ATRNL1: variants seen among roughly 807,000 people sequenced by gnomAD.
ATRNL1 encodes the protein attractin like 1.
ATRNL1 carries 95 observed loss-of-function variants against 182.7 expected under a neutral mutation model. The ratio of observed to expected loss-of-function variants is 0.52; its 90% CI spans 0.44 to 0.62. The LOEUF (loss-of-function observed/expected upper bound fraction) is 0.62, where lower values mean the gene tolerates loss of function less well. Among genes scored for constraint, ATRNL1 ranks in the 20% least tolerant of loss-of-function variants. ATRNL1 has a pLI of 0.00. For missense variants in ATRNL1, 1,471 were observed against 1,679.5 expected, an observed-to-expected ratio of 0.88 and a Z score of 2.17; for synonymous variants, 576 against 568.3, an observed-to-expected ratio of 1.01 and a Z score of -0.19.
chr10:115,805,176 C>G (rs1035945346), intron 27 of ATRNL1, among the ~76,000 whole-genome samples: 6 of 152,118 alleles, frequency 3.9e-5, no homozygotes, highest in African/African-American at 1.4e-4. Context: ...TCCAATGTGA[C>G]TTATCTGTAA....
At chr10:115,351,779 T>G (rs1433387316) in intron 19 of ATRNL1, among the ~76,000 whole-genome samples, 7 of 57,906 alleles carry the variant, frequency 1.2e-4, no homozygotes, top group South Asian at 5.3e-4. Flanking sequence ...GTTTGTGTTT[T>G]TGTTTTTAAT....
At chr10:115,366,638 A>T (rs1451010835) in intron 19 of ATRNL1, among the ~76,000 whole-genome samples, 2 of 148,738 alleles carry the variant, frequency 1.3e-5, no homozygotes, top group African/African-American at 5.0e-5. Context: ...TTTTGGCATG[A>T]TTTTGCAGCG....
intron 26 of ATRNL1, among the ~76,000 whole-genome samples, chr10:115,723,547 T>TATTTATTTATTTATTG (rs1488149142): frequency 6.6e-6 from 1 of 151,258 alleles, no homozygotes; most frequent in African/African-American, 2.4e-5. Context: ...TTTATTTATT[T>TATTTATTTATTTATTG]ATTTATTTAT....
chr10:115,521,338 A>T (rs1554985136), intron 25 of ATRNL1, among the ~76,000 whole-genome samples: 1 of 152,064 alleles, frequency 6.6e-6, no homozygotes, highest in African/African-American at 2.4e-5. Flanking sequence ...TTTTTAGTAG[A>T]TACGGGGTTT....
At chr10:115,617,172 G>A (rs1555021080) in intron 26 of ATRNL1, among the ~76,000 whole-genome samples, 2 of 152,218 alleles carry the variant, frequency 1.3e-5, no homozygotes, top group South Asian at 2.1e-4. Context: ...GTGTGCTCTA[G>A]ATGTGAAACA....
At chr10:115,262,247 GATAAA>G (rs1385154550) in intron 10 of ATRNL1, among the ~76,000 whole-genome samples, 2 of 150,320 alleles carry the variant, frequency 1.3e-5, no homozygotes, top group African/African-American at 2.4e-5. Context: ...ATTTAAAAAT[GATAAA>G]ATAAAAGCAA....
At chr10:115,369,242 G>A (rs1260021670) in intron 19 of ATRNL1, among the ~76,000 whole-genome samples, 1 of 144,786 alleles carries the variant, frequency 6.9e-6, no homozygotes, top group African/African-American at 2.5e-5. Flanking sequence ...AGGATTCTGT[G>A]ATGAGGATAG....
chr10:115,249,195 T>TG (rs1451323675), intron 10 of ATRNL1, among the ~76,000 whole-genome samples: 1 of 152,098 alleles, frequency 6.6e-6, no homozygotes, highest in Admixed American at 6.6e-5. Flanking sequence ...GATTTCATCA[T>TG]GTTGGCCAGG....
At chr10:115,787,070 T>C (rs915277934) in intron 27 of ATRNL1, among the ~76,000 whole-genome samples, 7 of 152,220 alleles carry the variant, frequency 4.6e-5, no homozygotes, top group Admixed American at 1.3e-4. Flanking sequence ...CTTTATCTGA[T>C]TCTGTGAATT....
chr10:115,137,514 A>G (rs540364463), intron 5 of ATRNL1, among the ~76,000 whole-genome samples: 5 of 152,290 alleles, frequency 3.3e-5, no homozygotes, highest in African/African-American at 1.2e-4. Context: ...ACAATTCCAC[A>G]TGGCTGGGGG....
chr10:115,334,447 G>A (rs1219763336), intron 19 of ATRNL1, 28 bp downstream of exon 19: 2 of 1,487,846 alleles, frequency 1.3e-6, no homozygotes, highest in East Asian at 4.6e-5. Flanking sequence ...AAATTTTGGT[G>A]TATTTTTACT....
At chr10:115,893,936 C>A (rs1272653954) in intron 28 of ATRNL1, among the ~76,000 whole-genome samples, 2 of 151,616 alleles carry the variant, frequency 1.3e-5, no homozygotes, top group Middle Eastern at 3.2e-3. Flanking sequence ...TTCAAAAGAC[C>A]ATCACAACTT....
intron 27 of ATRNL1, among the ~76,000 whole-genome samples, chr10:115,798,814 CTTTTTTTTCTTTTTTCT>C (rs1388450074): frequency 7.2e-6 from 1 of 139,746 alleles, no homozygotes; most frequent in Non-Finnish European, 1.5e-5. Context: ...CTTTTTTTTT[CTTTTTTTTCTTTTTTCT>C]TTTTTTTTTT....
intron 26 of ATRNL1, among the ~76,000 whole-genome samples, chr10:115,620,479 C>T (rs535887287): frequency 3.3e-4 from 50 of 152,240 alleles, no homozygotes; most frequent in African/African-American, 1.2e-3. Context: ...TAATTTTATG[C>T]CCTTAAACCA....
At chr10:115,461,875 T>C (rs1466366921) in intron 21 of ATRNL1, 66 bp from the exon 22 acceptor site, 6 of 1,011,340 alleles carry the variant, frequency 5.9e-6, no homozygotes, top group Non-Finnish European at 7.4e-6. Flanking sequence ...TATTGTAACC[T>C]AAATTTTGCT....
At chr10:115,835,523 A>G (rs1950649253) in intron 27 of ATRNL1, among the ~76,000 whole-genome samples, 1 of 152,188 alleles carries the variant, frequency 6.6e-6, no homozygotes, top group South Asian at 2.1e-4. Flanking sequence ...ATATGGGAGA[A>G]TTGGGAAAGG....
chr10:115,224,977 A>G (rs1219274376), intron 9 of ATRNL1, among the ~76,000 whole-genome samples: 1 of 152,132 alleles, frequency 6.6e-6, no homozygotes, highest in African/African-American at 2.4e-5. Flanking sequence ...AATAACATCA[A>G]TCTTTCACAA....
At chr10:115,394,213 C>T (rs996702414) in intron 19 of ATRNL1, among the ~76,000 whole-genome samples, 4 of 151,966 alleles carry the variant, frequency 2.6e-5, no homozygotes, top group Non-Finnish European at 5.9e-5. Context: ...AAGCTAAGTG[C>T]TGTTATTCTT....
At chr10:115,231,941 G>A (rs1554900114) in intron 9 of ATRNL1, among the ~76,000 whole-genome samples, 1 of 152,244 alleles carries the variant, frequency 6.6e-6, no homozygotes, top group East Asian at 1.9e-4. Context: ...GGGAAGTGTA[G>A]TAGGATCCTT....
Sources: allele counts gnomAD v4.1 joint callset (sites outside exome capture counted in the v4.1 genomes callset), GRCh38; gene constraint gnomAD v4.1.1; transcripts MANE v1.5; gene names NCBI Gene and HGNC (gene_info 2026-07-23, HGNC 2026-07-21).